Variants in PAK5 observed in about 807,000 individuals in gnomAD.
The protein encoded by PAK5 is p21 (RAC1) activated kinase 5, also known as serine/threonine-protein kinase PAK 5.
PAK5 carries 16 observed loss-of-function variants against 65.9 expected under a neutral mutation model. The ratio of observed to expected loss-of-function variants is 0.24; its 90% CI spans 0.16 to 0.37. PAK5 has a LOEUF of 0.37. Ranked by LOEUF, PAK5 falls within the 10% of genes least tolerant of loss-of-function variation. The pLI, the probability that PAK5 is intolerant of heterozygous loss-of-function variation, is 1.00. For synonymous variants in PAK5, 371 were observed against 354.9 expected, an observed-to-expected ratio of 1.05 and a Z score of -0.51; for missense variants, 785 against 903.9, an observed-to-expected ratio of 0.87 and a Z score of 1.69.
chr20:9,613,230 A>C (rs1402975664), intron 3 of PAK5, among the ~76,000 whole-genome samples: 1 of 152,266 alleles, frequency 6.6e-6, no homozygotes, highest in Non-Finnish European at 1.5e-5. Context: ...AAACTAAACA[A>C]ACAGAAAATT....
intron 1 of PAK5, among the ~76,000 whole-genome samples, chr20:9,756,724 C>T (rs565126012): frequency 2.0e-5 from 3 of 152,076 alleles, no homozygotes; most frequent in Non-Finnish European, 4.4e-5. Flanking sequence ...AAAATTAAAA[C>T]AATGTATATA....
At chr20:9,717,899 T>C in intron 1 of PAK5, among the ~76,000 whole-genome samples, 1 of 152,166 alleles carries the variant, frequency 6.6e-6, no homozygotes, top group East Asian at 1.9e-4. Context: ...GCATTACAGG[T>C]GTGAGCCACA....
At chr20:9,698,574 T>C (rs983490210) in intron 2 of PAK5, among the ~76,000 whole-genome samples, 16 of 152,198 alleles carry the variant, frequency 1.1e-4, no homozygotes, top group Middle Eastern at 3.2e-3. Flanking sequence ...GTCACAGGGC[T>C]AAGAATGATC....
chr20:9,618,418 T>C (rs2046701142), intron 3 of PAK5, among the ~76,000 whole-genome samples: 2 of 149,988 alleles, frequency 1.3e-5, no homozygotes, highest in African/African-American at 2.5e-5. Context: ...TTTTTTTTTT[T>C]TTTTTTGAGA....
intron 1 of PAK5, among the ~76,000 whole-genome samples, chr20:9,809,335 AT>A (rs3061945): frequency 1.7e-3 from 224 of 135,278 alleles, no homozygotes; most frequent in Middle Eastern, 3.9e-3. Flanking sequence ...GGCAATCCAA[AT>A]TTTTTTTTTT....
At chr20:9,664,839 G>C (rs1421304113) in intron 2 of PAK5, among the ~76,000 whole-genome samples, 4 of 152,002 alleles carry the variant, frequency 2.6e-5, no homozygotes, top group African/African-American at 7.2e-5. Flanking sequence ...ATGCTGCCTT[G>C]ACCCATAAAT....
At chr20:9,588,883 G>A (rs572623627) in intron 3 of PAK5, among the ~76,000 whole-genome samples, 1 of 152,282 alleles carries the variant, frequency 6.6e-6, no homozygotes, top group East Asian at 1.9e-4. Flanking sequence ...CAGGCTCCCA[G>A]TGACAGTGGC....
intron 7 of PAK5, among the ~76,000 whole-genome samples, chr20:9,551,318 A>G (rs928353047): frequency 2.6e-5 from 4 of 152,168 alleles, no homozygotes; most frequent in Admixed American, 6.5e-5. Flanking sequence ...TCGTCTCACT[A>G]ATGCAGTTAG....
At chr20:9,698,144 C>T (rs985490062) in intron 2 of PAK5, among the ~76,000 whole-genome samples, 4 of 152,084 alleles carry the variant, frequency 2.6e-5, no homozygotes, top group Non-Finnish European at 4.4e-5. Context: ...CAATATAATG[C>T]TTAGAAACCT....
At chr20:9,739,889 A>C (rs1168616310) in intron 1 of PAK5, among the ~76,000 whole-genome samples, 1 of 152,198 alleles carries the variant, frequency 6.6e-6, no homozygotes, top group East Asian at 1.9e-4. Flanking sequence ...AGGCCTAATC[A>C]AACTTGGACA....
chr20:9,806,730 T>A (rs919982450), intron 1 of PAK5, among the ~76,000 whole-genome samples: 1 of 152,230 alleles, frequency 6.6e-6, no homozygotes, highest in African/African-American at 2.4e-5. Flanking sequence ...GAACCTAGCA[T>A]GACTGTGTAC....
At chr20:9,628,879 C>T (rs185987185) in intron 3 of PAK5, among the ~76,000 whole-genome samples, 63 of 152,300 alleles carry the variant, frequency 4.1e-4, no homozygotes, top group Non-Finnish European at 7.1e-4. Flanking sequence ...CAACGCACAA[C>T]CAAGAAAGCT....
chr20:9,539,451 G>A lies in PAK5; in HGVS notation c.*11C>T, dbSNP rs200263542. 138 of 1,612,556 alleles carry A rather than the reference G, an allele frequency of 8.6e-5. No individual in the cohort carries two copies. The African/African-American group carries it at 1.4e-3, about 17-fold the overall frequency. On this transcript the variant is annotated 3_prime_UTR_variant, in exon 10 of 10. Coordinates refer to ENST00000353224, the MANE Select transcript of PAK5 (RefSeq NM_177990.4). ...CCTCATCTAGCTTTGCCACCTACACGAATCCTCTGCTCAGTGATGCCTGTA... is the reference window on the plus strand; with the variant it reads ...CCTCATCTAGCTTTGCCACCTACACAAATCCTCTGCTCAGTGATGCCTGTA...
chr20:9,812,026 GGTAATGGGGTTGCTCAAACCT>G (rs1198808297), intron 1 of PAK5, among the ~76,000 whole-genome samples: 1 of 151,948 alleles, frequency 6.6e-6, no homozygotes, highest in Non-Finnish European at 1.5e-5. Context: ...TAATATTAGG[GGTAATGGGGTTGCTCAAACCT>G]GTTTTAGAAT....
intron 3 of PAK5, among the ~76,000 whole-genome samples, chr20:9,623,857 A>G (rs184372571): frequency 1.1e-3 from 174 of 152,326 alleles, no homozygotes; most frequent in African/African-American, 4.0e-3. Context: ...AAAAACCACA[A>G]TGAAATCCTC....
chr20:9,776,450 C>A (rs2048887892), intron 1 of PAK5, among the ~76,000 whole-genome samples: 1 of 152,068 alleles, frequency 6.6e-6, no homozygotes, highest in Non-Finnish European at 1.5e-5. Context: ...AAGTTATATC[C>A]ACAAATTATA....
intron 7 of PAK5, among the ~76,000 whole-genome samples, chr20:9,552,661 C>G (rs1025461709): frequency 5.3e-5 from 8 of 151,556 alleles, no homozygotes; most frequent in Non-Finnish European, 1.0e-4. Context: ...AGCATTCATT[C>G]TTTCAAACCT....
chr20:9,792,921 C>G (rs1046011786), intron 1 of PAK5, among the ~76,000 whole-genome samples: 1 of 152,126 alleles, frequency 6.6e-6, no homozygotes, highest in Non-Finnish European at 1.5e-5. Flanking sequence ...GGCAGACAGG[C>G]AGGCAACTGA....
chr20:9,703,024 T>C (rs2047959626), intron 2 of PAK5, among the ~76,000 whole-genome samples: 1 of 152,174 alleles, frequency 6.6e-6, no homozygotes, highest in African/African-American at 2.4e-5. Flanking sequence ...GCCTTCTTAG[T>C]TAGAAATAGT....
Sources: gnomAD v4.1 joint callset for allele counts (sites outside exome capture counted in the v4.1 genomes callset) on GRCh38, gnomAD v4.1.1 for gene constraint, MANE v1.5 for transcripts, NCBI Gene and HGNC (gene_info 2026-07-23, HGNC 2026-07-21) for gene names.